The following SLC6A5 variants were observed in gnomAD, a reference collection of about 807,000 sequenced individuals.
SLC6A5 encodes the protein sodium- and chloride-dependent glycine transporter 2.
SLC6A5 carries 58 observed loss-of-function variants against 90.5 expected under a neutral mutation model. The observed-to-expected ratio is 0.64, with a 90% CI of 0.52 to 0.80. The LOEUF (loss-of-function observed/expected upper bound fraction) is 0.80, where lower values mean the gene tolerates loss of function less well. Among genes scored for constraint, SLC6A5 ranks in the 30% least tolerant of loss-of-function variants. The pLI, the probability that SLC6A5 is intolerant of heterozygous loss-of-function variation, is 0.00. For synonymous variants in SLC6A5, 427 were observed against 401.4 expected (o/e 1.06, Z -0.76); for missense variants, 1,015 against 1,017.6 (o/e 1.00, Z 0.03).
chr11:20,609,685 C>T (rs1852658386), intron 5 of SLC6A5, among the ~76,000 whole-genome samples: 1 of 152,228 alleles, frequency 6.6e-6, no homozygotes, highest in South Asian at 2.1e-4. Flanking sequence ...CAAAAGGACT[C>T]ATCCCAGGAG....
intron 10 of SLC6A5, among the ~76,000 whole-genome samples, chr11:20,631,318 T>G (rs1269601104): frequency 6.6e-6 from 1 of 152,220 alleles, no homozygotes; most frequent in African/African-American, 2.4e-5. Flanking sequence ...GGCCTTCTGC[T>G]TAGTTAGCAA....
chr11:20,631,754 C>G (rs1264380396), intron 10 of SLC6A5, among the ~76,000 whole-genome samples: 1 of 152,110 alleles, frequency 6.6e-6, no homozygotes, highest in Non-Finnish European at 1.5e-5. Flanking sequence ...AAGGGGCGTA[C>G]CTGTGAGAGG....
At position 20,655,836 on chromosome 11, in the gene SLC6A5, AAGAC is replaced by A. The variant is rs1442124317; in HGVS notation, c.*972_*975del. The stretch of plus-strand genomic sequence containing the variant: ...ATATATATAGGACACATGCTCTTAA[AAGAC>A]AGATAACTTCTTAATTTTTACTCTT... On this transcript the variant is annotated 3_prime_UTR_variant, in exon 16 of 16. Transcript: ENST00000525748. The A allele has an allele frequency of 2.0e-5, 3 of 152,180 alleles. No individual in the cohort carries two copies. Among genetic ancestry groups the A allele is most frequent in the African/African-American group, 7.2e-5 (3 of 41,446 alleles). The allele number at this position is 152,180 out of a possible 1,614,324, so 9.4% of individuals were successfully genotyped here.
chr11:20,607,117 A>T lies in SLC6A5; in HGVS notation c.790A>T (p.Lys264Ter). The change falls in exon 4 of 16, where the codon AAG becomes TAG. Residue 264 changes from lysine to a stop codon, truncating the protein, a stop_gained. Transcript: ENST00000525748. LOFTEE classifies it high-confidence loss of function. ...FASQGPVSVWKAIPALQGCGI... is the reference protein window; with the variant it reads ...FASQGPVSVW ...CAGCCAGGGACCAGTGTCTGTGTGG[A>T]AGGCCATCCCAGCTCTACAAGGTGA... The T allele has an allele frequency of 6.2e-7, 1 of 1,614,008 alleles. No individual in the cohort carries two copies. The highest frequency in any genetic ancestry group is 1.1e-5 in the South Asian group (1 of 91,048).
chr11:20,613,070 T>A (rs1217454675), intron 5 of SLC6A5, among the ~76,000 whole-genome samples: 1 of 152,184 alleles, frequency 6.6e-6, no homozygotes, highest in Non-Finnish European at 1.5e-5. Flanking sequence ...GAATTTATAA[T>A]CCCTGCTCCC....
chr11:20,639,308 C>G (rs1222697334), intron 13 of SLC6A5, among the ~76,000 whole-genome samples: 2 of 152,068 alleles, frequency 1.3e-5, no homozygotes, highest in African/African-American at 4.8e-5. Context: ...GCTTGGAAGC[C>G]TGCTCAGAAC....
chr11:20,607,965 C>G (rs894421191), intron 5 of SLC6A5, among the ~76,000 whole-genome samples: 3 of 152,140 alleles, frequency 2.0e-5, no homozygotes, highest in Admixed American at 6.6e-5. Context: ...TTTAACAAGT[C>G]GTTGTAGAAT....
chr11:20,627,077 G>A (rs756524355), intron 8 of SLC6A5, among the ~76,000 whole-genome samples: 1 of 152,214 alleles, frequency 6.6e-6, no homozygotes, highest in Non-Finnish European at 1.5e-5. Flanking sequence ...GGCCGAAAAT[G>A]AAGAATGAAA....
intron 7 of SLC6A5, among the ~76,000 whole-genome samples, chr11:20,626,024 C>G (rs1852986887): frequency 6.6e-6 from 1 of 152,200 alleles, no homozygotes; most frequent in Admixed American, 6.5e-5. Flanking sequence ...ATTTGTTGAA[C>G]TTAATGTCAT....
chr11:20,641,096 A>C (rs1248947186), intron 13 of SLC6A5, among the ~76,000 whole-genome samples: 1 of 152,220 alleles, frequency 6.6e-6, no homozygotes, highest in Non-Finnish European at 1.5e-5. Context: ...TTTAAAAGTA[A>C]AACTCCCTTA....
At chr11:20,615,599 C>T (rs1177257286) in intron 6 of SLC6A5, among the ~76,000 whole-genome samples, 1 of 152,164 alleles carries the variant, frequency 6.6e-6, no homozygotes, top group Non-Finnish European at 1.5e-5. Flanking sequence ...GATATCCTGA[C>T]CTTGTGATCT....
intron 10 of SLC6A5, among the ~76,000 whole-genome samples, chr11:20,633,747 CT>C (rs1372306198): frequency 6.6e-6 from 1 of 152,182 alleles, no homozygotes; most frequent in Admixed American, 6.5e-5. Flanking sequence ...GCATTTAATT[CT>C]CACGGAAGCT....
intron 7 of SLC6A5, among the ~76,000 whole-genome samples, chr11:20,620,153 C>A (rs1055373280): frequency 3.3e-5 from 5 of 152,086 alleles, no homozygotes; most frequent in Admixed American, 3.3e-4. Flanking sequence ...CTGACCTCAA[C>A]CATGATGTGA....
chr11:20,629,674 T>C (rs1327796126), intron 9 of SLC6A5, among the ~76,000 whole-genome samples: 2 of 152,202 alleles, frequency 1.3e-5, no homozygotes, highest in Non-Finnish European at 2.9e-5. Context: ...TTCTAGCTGT[T>C]TGAAAACATA....
chr11:20,629,703 A>G lies in SLC6A5; in HGVS notation c.1500-988A>G, dbSNP rs997081169. Among the ~76,000 whole-genome samples, 10 of 151,594 alleles carry G rather than the reference A, an allele frequency of 6.6e-5. No homozygotes were observed. In the South Asian group the frequency reaches 1.3e-3, roughly 19 times the overall value. On this transcript the variant is annotated intron_variant, in intron 9 of 15. Transcript: ENST00000525748. ...AAACATAAAATAAATTGTTGTTAAT[A>G]TAGTCATCTCATAGTGCTGTAGGAT...
At chr11:20,621,156 A>G (rs1349857693) in intron 7 of SLC6A5, among the ~76,000 whole-genome samples, 1 of 152,166 alleles carries the variant, frequency 6.6e-6, no homozygotes, top group Non-Finnish European at 1.5e-5. Context: ...AGTTATTAAG[A>G]ATAGATAGTA....
In SLC6A5 at chr11:20,636,417, A is replaced by G. The variant is rs368756114; in HGVS notation, c.1735A>G (p.Met579Val). The change falls in exon 11 of 16, where the codon ATG becomes GTG. Residue 579 changes from methionine (M) to valine (V), a missense_variant and splice_region_variant. Transcript: ENST00000525748. ...GCTCCTCACTCTTGGACTTGACACT[A>G]TGGTGAGCCCCTTTTCCATCAGTCT... The part of the protein sequence containing the change: ...LMLLTLGLDT[M>V]FATIETIVTS... The G allele has an allele frequency of 1.6e-4, 258 of 1,577,958 alleles. No individual in the cohort carries two copies. The highest frequency in any genetic ancestry group is 2.2e-4 in the Non-Finnish European group (250 of 1,147,182).
intron 9 of SLC6A5, among the ~76,000 whole-genome samples, chr11:20,629,730 A>ATTT (rs200051883): frequency 7.3e-6 from 1 of 137,748 alleles, no homozygotes; most frequent in African/African-American, 2.7e-5. Context: ...CTGTAGGATG[A>ATTT]TTTTTTTTTT....
chr11:20,630,837 G>T, intron 10 of SLC6A5, 22 bp downstream of exon 10: 6 of 1,613,658 alleles, frequency 3.7e-6, no homozygotes, highest in Non-Finnish European at 5.1e-6. Context: ...TTGTTACCCT[G>T]CTGTTGCAGG....
Sources: allele counts gnomAD v4.1 joint callset (sites outside exome capture counted in the v4.1 genomes callset), GRCh38; gene constraint gnomAD v4.1.1; transcripts MANE v1.5; gene names NCBI Gene and HGNC (gene_info 2026-07-23, HGNC 2026-07-21).